The following RSPH1 variants were observed in gnomAD, a reference collection of about 807,000 sequenced individuals.
RSPH1 encodes the protein radial spoke head 1 homolog.
A neutral mutation model predicts 44.2 loss-of-function variants in RSPH1; 32 were observed. That is an observed-to-expected ratio of 0.72 (90% CI 0.55 to 0.97). RSPH1 has a LOEUF of 0.97. Among genes scored for constraint, RSPH1 ranks in the 50% least tolerant of loss-of-function variants. The pLI is 0.00. For synonymous variants in RSPH1, 134 were observed against 147.3 expected, an observed-to-expected ratio of 0.91 and a Z score of 0.65; for missense variants, 391 against 398.7, an observed-to-expected ratio of 0.98 and a Z score of 0.16.
At position 42,477,472 on chromosome 21, in the gene RSPH1, A is replaced by G. The variant is rs1198447822; in HGVS notation, c.574-28T>C. 4 of 1,609,884 alleles carry G rather than the reference A, an allele frequency of 2.5e-6. No individual in the cohort carries two copies. The African/African-American group carries it at 4.0e-5, about 16-fold the overall frequency. ...ATTTTAAGTGCAAAAATGTACATTTACCAACATTTGTGTCATCTTGGTCTG... is the reference window on the plus strand; with the variant it reads ...ATTTTAAGTGCAAAAATGTACATTTGCCAACATTTGTGTCATCTTGGTCTG... On this transcript the variant is annotated intron_variant, in intron 6 of 8. Coordinates refer to ENST00000291536, the MANE Select transcript of RSPH1 (RefSeq NM_080860.4).
chr21:42,478,953 A>G (rs1033743327), intron 6 of RSPH1, among the ~76,000 whole-genome samples: 1 of 152,212 alleles, frequency 6.6e-6, no homozygotes, highest in Non-Finnish European at 1.5e-5. Context: ...ATTAAAAGCT[A>G]TCAGGGGCTG....
chr21:42,476,937 C>A (rs1179985600), intron 7 of RSPH1, among the ~76,000 whole-genome samples: 1 of 152,140 alleles, frequency 6.6e-6, no homozygotes, highest in Non-Finnish European at 1.5e-5. Flanking sequence ...ACAACTCCCA[C>A]AGCCCAAAGG....
intron 6 of RSPH1, 51 bp from the exon 7 acceptor site, chr21:42,477,495 C>A: frequency 1.3e-6 from 2 of 1,591,342 alleles, no homozygotes; most frequent in South Asian, 2.2e-5. Flanking sequence ...TCATCTTGGT[C>A]TGGAATATTA....
intron 6 of RSPH1, among the ~76,000 whole-genome samples, chr21:42,480,495 C>T (rs540864373): frequency 2.0e-5 from 3 of 152,134 alleles, no homozygotes; most frequent in African/African-American, 7.2e-5. Flanking sequence ...ACAAAATTAG[C>T]TGGGCGTGGT....
intron 3 of RSPH1, among the ~76,000 whole-genome samples, chr21:42,491,205 C>T (rs73227540): frequency 1.3e-5 from 2 of 151,940 alleles, no homozygotes; most frequent in African/African-American, 2.4e-5. Context: ...GGGTACCCTC[C>T]GGATCCACAA....
At chr21:42,477,487 A>G (rs1269955150) in intron 6 of RSPH1, 43 bp from the exon 7 acceptor site, 1 of 1,601,004 alleles carries the variant, frequency 6.2e-7, no homozygotes, top group Non-Finnish European at 8.6e-7. Flanking sequence ...CATTTGTGTC[A>G]TCTTGGTCTG....
rs927845095 is a variant in RSPH1 at position 42,472,712 on chromosome 21, T to C, written c.*106A>G. 6.0e-6 allele frequency: 5 copies of C among 835,232 alleles called. No homozygotes were observed. The Admixed American group carries it at 7.1e-5, about 12-fold the overall frequency. The allele number at this position is 835,232 out of a possible 1,614,324, so 51.7% of individuals were successfully genotyped here. ...GCCACTTTCTGGACTCAAGCAATCC[T>C]CCTGCCTCAGCCTCTCAAGTAGCTG... On this transcript the variant is annotated 3_prime_UTR_variant, in exon 9 of 9. Transcript: ENST00000291536.
intron 3 of RSPH1, among the ~76,000 whole-genome samples, chr21:42,490,275 G>C (rs1295278301): frequency 6.6e-6 from 1 of 152,172 alleles, no homozygotes; most frequent in Non-Finnish European, 1.5e-5. Flanking sequence ...GTGACCATCT[G>C]GGAGACAGGT....
intron 5 of RSPH1, among the ~76,000 whole-genome samples, chr21:42,483,006 T>A (rs745859156): frequency 6.6e-6 from 1 of 152,234 alleles, no homozygotes; most frequent in Non-Finnish European, 1.5e-5. Flanking sequence ...CTACTACTAA[T>A]ATTTTGATGC....
chr21:42,482,497 G>C lies in RSPH1; in HGVS notation c.573+140C>G, dbSNP rs1433214584. 3 of 618,004 alleles carry C rather than the reference G, an allele frequency of 4.9e-6. No individual in the cohort carries two copies. The East Asian group carries it at 8.4e-5, about 17-fold the overall frequency. 38.3% of individuals were successfully genotyped at this position (618,004 alleles called of 1,614,324 possible). On this transcript the variant is annotated intron_variant, in intron 6 of 8. Coordinates refer to ENST00000291536, the MANE Select transcript of RSPH1 (RefSeq NM_080860.4). ...ATTTAGTTCTGTACTAACACATGCA[G>C]ATAAGGAAAATGAAAATGTGAAAGT...
intron 3 of RSPH1, among the ~76,000 whole-genome samples, chr21:42,491,903 C>A (rs1263184985): frequency 6.6e-6 from 1 of 152,204 alleles, no homozygotes; most frequent in Non-Finnish European, 1.5e-5. Context: ...TTGCAGGTGT[C>A]TCCCTGTGTT....
rs780026507 is a variant in RSPH1 at position 42,496,163 on chromosome 21, C to T, written c.24G>A (p.Glu8=). 1 of 1,614,108 alleles carries T rather than the reference C, an allele frequency of 6.2e-7. No individual in the cohort carries two copies. The highest frequency in any genetic ancestry group is 1.7e-5 in the Admixed American group (1 of 60,014). MSDLGSE[E]LEEEGENDIG... ...TATCATTCTCTCCCTCCTCCTCCAACTCCTCCGAGCCCAGGTCCGACATGG... is the reference window on the plus strand; with the variant it reads ...TATCATTCTCTCCCTCCTCCTCCAATTCCTCCGAGCCCAGGTCCGACATGG... The change falls in exon 1 of 9, where the codon GAG becomes GAA. Residue 8 remains glutamate, a synonymous_variant. Coordinates refer to ENST00000291536, the MANE Select transcript of RSPH1 (RefSeq NM_080860.4).
intron 6 of RSPH1, among the ~76,000 whole-genome samples, chr21:42,480,469 C>A (rs771403540): frequency 3.3e-5 from 5 of 151,864 alleles, no homozygotes. Context: ...GGAGAAACCC[C>A]GTCTCTACTA....
chr21:42,476,230 G>A (rs2054048113), intron 7 of RSPH1, among the ~76,000 whole-genome samples, 183 bp from the exon 8 acceptor site: 1 of 151,896 alleles, frequency 6.6e-6, no homozygotes, highest in South Asian at 2.1e-4. Context: ...GAGCAGCCCA[G>A]TCCCCACTGT....
chr21:42,492,130 G>T (rs76692604), intron 3 of RSPH1, among the ~76,000 whole-genome samples: 7,591 of 152,312 alleles, frequency 0.05, 273 homozygotes, highest in Middle Eastern at 0.11. Flanking sequence ...CTCACAACAC[G>T]CTCCCTGCCG....
intron 6 of RSPH1, among the ~76,000 whole-genome samples, chr21:42,480,670 G>A (rs571823679): frequency 5.8e-5 from 8 of 138,220 alleles, no homozygotes; most frequent in Non-Finnish European, 1.1e-4. Flanking sequence ...AAAAAAACCT[G>A]TCTGGAGAGC....
At chr21:42,489,926 ATTC>A (rs1168627476) in intron 3 of RSPH1, among the ~76,000 whole-genome samples, 1 of 152,156 alleles carries the variant, frequency 6.6e-6, no homozygotes, top group Admixed American at 6.5e-5. Flanking sequence ...TTATCATGTC[ATTC>A]TTCTTTCTCC....
chr21:42,477,993 C>T (rs2054086633), intron 6 of RSPH1, among the ~76,000 whole-genome samples: 1 of 152,082 alleles, frequency 6.6e-6, no homozygotes, highest in East Asian at 1.9e-4. Flanking sequence ...TATGGATTTG[C>T]ATAAACGCAA....
chr21:42,493,644 C>G (rs1216046162), intron 1 of RSPH1, among the ~76,000 whole-genome samples: 3 of 152,218 alleles, frequency 2.0e-5, no homozygotes, highest in African/African-American at 7.2e-5. Flanking sequence ...GAGGAGTACA[C>G]AGGGCTCCCT....
Sources: gnomAD v4.1 joint callset for allele counts (sites outside exome capture counted in the v4.1 genomes callset) on GRCh38, gnomAD v4.1.1 for gene constraint, MANE v1.5 for transcripts, NCBI Gene and HGNC (gene_info 2026-07-23, HGNC 2026-07-21) for gene names.